The following STK32B variants were observed in gnomAD, a reference collection of about 807,000 sequenced individuals.
STK32B encodes serine/threonine-protein kinase 32B.
A neutral mutation model predicts 52.6 loss-of-function variants in STK32B; 43 were observed. The observed-to-expected ratio is 0.82, with a 90% CI of 0.64 to 1.05. STK32B has a LOEUF of 1.05. Among genes scored for constraint, STK32B ranks in the 50% least tolerant of loss-of-function variants. The pLI is 0.00. For missense variants in STK32B, 621 were observed against 534.6 expected (o/e 1.16, Z -1.59); for synonymous variants, 238 against 204.3 (o/e 1.17, Z -1.41).
intron 3 of STK32B, among the ~76,000 whole-genome samples, chr4:5,198,998 G>C (rs541750505): frequency 1.3e-5 from 2 of 152,206 alleles, no homozygotes; most frequent in South Asian, 4.2e-4. Context: ...TTTCCATTTT[G>C]TCCACACCCT....
At chr4:5,429,274 C>T (rs953081556) in intron 6 of STK32B, among the ~76,000 whole-genome samples, 1 of 152,028 alleles carries the variant, frequency 6.6e-6, no homozygotes, top group Non-Finnish European at 1.5e-5. Context: ...GATATTTAGA[C>T]CACTTATATT....
chr4:5,107,282 T>C (rs768496001), intron 1 of STK32B, among the ~76,000 whole-genome samples: 2 of 152,110 alleles, frequency 1.3e-5, no homozygotes, highest in Non-Finnish European at 2.9e-5. Flanking sequence ...GAAAATAAGC[T>C]CAGGGCTCCC....
chr4:5,150,593 G>A (rs976219133), intron 2 of STK32B, among the ~76,000 whole-genome samples: 2 of 151,786 alleles, frequency 1.3e-5, no homozygotes, highest in African/African-American at 4.8e-5. Context: ...TTCTTAACTG[G>A]ACTGCTTTCA....
intron 2 of STK32B, among the ~76,000 whole-genome samples, chr4:5,165,503 A>G (rs1369885475): frequency 6.6e-6 from 1 of 152,176 alleles, no homozygotes; most frequent in Non-Finnish European, 1.5e-5. Context: ...CTCCCAGCCT[A>G]AGCTTTTCAC....
the STK32B span, among the ~76,000 whole-genome samples, chr4:5,041,478 A>T: frequency 6.6e-6 from 1 of 152,196 alleles, no homozygotes; most frequent in Admixed American, 6.5e-5. Flanking sequence ...TGGAGCTACT[A>T]TGCAAATTAT....
intron 3 of STK32B, among the ~76,000 whole-genome samples, chr4:5,169,837 A>T (rs1719217430): frequency 6.6e-6 from 1 of 152,242 alleles, no homozygotes; most frequent in South Asian, 2.1e-4. Context: ...AATTACCCAG[A>T]AGCTCTTCAG....
At chr4:5,152,865 A>G (rs1577111457) in intron 2 of STK32B, among the ~76,000 whole-genome samples, 2 of 152,308 alleles carry the variant, frequency 1.3e-5, no homozygotes, top group Non-Finnish European at 2.9e-5. Context: ...ATAGAAACTA[A>G]CATTGTTTTC....
intron 2 of STK32B, among the ~76,000 whole-genome samples, chr4:5,141,669 G>GGGGCCCCA (rs1252363745): frequency 6.6e-6 from 1 of 152,138 alleles, no homozygotes; most frequent in Admixed American, 6.5e-5. Context: ...TGGGGCACAT[G>GGGGCCCCA]GCAGTGCTGG....
intron 6 of STK32B, among the ~76,000 whole-genome samples, chr4:5,426,021 G>A (rs1713061125): frequency 6.6e-6 from 1 of 152,156 alleles, no homozygotes; most frequent in South Asian, 2.1e-4. Flanking sequence ...CACCTGAGTT[G>A]TTTACAGTTT....
chr4:5,257,905 T>C (rs181462490), intron 3 of STK32B, among the ~76,000 whole-genome samples: 2 of 152,080 alleles, frequency 1.3e-5, no homozygotes, highest in East Asian at 1.9e-4. Context: ...ATCGTGCCAC[T>C]GCACTCCAGC....
At chr4:5,234,092 G>A (rs1284742027) in intron 3 of STK32B, among the ~76,000 whole-genome samples, 6 of 152,096 alleles carry the variant, frequency 3.9e-5, no homozygotes, top group Non-Finnish European at 8.8e-5. Context: ...TTCTGTTCTG[G>A]ACTATCATCC....
chr4:5,316,486 AAT>A lies in STK32B; in HGVS notation c.261-14727_261-14726del, dbSNP rs1730771373. 7.1e-4 allele frequency among the ~76,000 whole-genome samples: 2 copies of A among 2,820 alleles called. 1 individual carries two copies. The highest frequency in any genetic ancestry group is 0.019 in the African/African-American group (2 of 106). 1.9% of individuals were successfully genotyped at this position (2,820 alleles called of 152,430 possible). ...AATATATATTACATATATAATATATAATATATATTACATATATAATATATAAT... is the reference window on the plus strand; with the variant it reads ...AATATATATTACATATATAATATATAATATATTACATATATAATATATAAT... On this transcript the variant is annotated intron_variant, in intron 3 of 11. Transcript: ENST00000282908.
chr4:5,496,702 C>T (rs1378548626), intron 11 of STK32B, among the ~76,000 whole-genome samples: 1 of 152,002 alleles, frequency 6.6e-6, no homozygotes, highest in African/African-American at 2.4e-5. Context: ...TGGCCCCAGG[C>T]CCATTTTCCT....
Position 5,208,834 on chromosome 4 carries a change from C to G in STK32B, c.260+40384C>G, listed in dbSNP as rs147921281. On this transcript the variant is annotated intron_variant, in intron 3 of 11. Transcript: ENST00000282908. The stretch of plus-strand genomic sequence containing the variant: ...CTTGATTCACCCAAATCAAGCCCAT[C>G]TGGTAGATATGATTATTTTGTCTTG... 1.4e-4 allele frequency among the ~76,000 whole-genome samples: 22 copies of G among 152,352 alleles called. No individual in the cohort carries two copies. The East Asian group carries it at 4.2e-3, about 29-fold the overall frequency.
At chr4:5,475,315 C>T (rs1466509045) in intron 11 of STK32B, among the ~76,000 whole-genome samples, 6 of 150,774 alleles carry the variant, frequency 4.0e-5, no homozygotes, top group Non-Finnish European at 5.9e-5. Flanking sequence ...ATCCCAGCCA[C>T]TCAGGAGGCT....
intron 4 of STK32B, among the ~76,000 whole-genome samples, chr4:5,387,753 T>C (rs1367629266): frequency 1.4e-5 from 2 of 147,652 alleles, no homozygotes; most frequent in Non-Finnish European, 3.0e-5. Context: ...TTTATTCGTT[T>C]GTTTGTTTTG....
intron 1 of STK32B, among the ~76,000 whole-genome samples, chr4:5,059,077 T>TTTTTTTTTTTTTTTTTG (rs1742120436): frequency 7.8e-6 from 1 of 128,664 alleles, no homozygotes; most frequent in Non-Finnish European, 1.8e-5. Flanking sequence ...TTTTTTTTTT[T>TTTTTTTTTTTTTTTTTG]TTTTGTAGAG....
chr4:5,252,454 G>C (rs1726004304), intron 3 of STK32B, among the ~76,000 whole-genome samples: 1 of 152,194 alleles, frequency 6.6e-6, no homozygotes, highest in African/African-American at 2.4e-5. Context: ...CATTGGAAAT[G>C]ATTGCCAGTG....
chr4:5,300,066 C>A (rs1024720632), intron 3 of STK32B, among the ~76,000 whole-genome samples: 2 of 152,132 alleles, frequency 1.3e-5, no homozygotes, highest in African/African-American at 4.8e-5. Flanking sequence ...CCATATCCGG[C>A]AGCACATCAA....
Sources: allele counts gnomAD v4.1 joint callset (sites outside exome capture counted in the v4.1 genomes callset), GRCh38; gene constraint gnomAD v4.1.1; transcripts MANE v1.5; gene names NCBI Gene and HGNC (gene_info 2026-07-23, HGNC 2026-07-21).